Variants in HNRNPM observed in about 807,000 individuals in gnomAD.
HNRNPM encodes heterogeneous nuclear ribonucleoprotein M.
A neutral mutation model predicts 73.1 loss-of-function variants in HNRNPM; 11 were observed. The ratio of observed to expected loss-of-function variants is 0.15; its 90% CI spans 0.09 to 0.25. The LOEUF (loss-of-function observed/expected upper bound fraction) is 0.25, where lower values mean the gene tolerates loss of function less well. Among genes scored for constraint, HNRNPM ranks in the 10% least tolerant of loss-of-function variants. HNRNPM has a pLI of 1.00. For missense variants in HNRNPM, 789 were observed against 1,067.9 expected, an observed-to-expected ratio of 0.74 and a Z score of 3.64; for synonymous variants, 407 against 355.2, an observed-to-expected ratio of 1.15 and a Z score of -1.64.
intron 9 of HNRNPM, among the ~76,000 whole-genome samples, chr19:8,469,628 A>C (rs970639572): frequency 6.6e-6 from 1 of 152,228 alleles, no homozygotes; most frequent in Non-Finnish European, 1.5e-5. Context: ...ATTAGTGCAG[A>C]GTCATAGATA....
rs184652759 is a variant in HNRNPM, at chr19:8,449,899, C to T, written c.113+4788C>T. Among the ~76,000 whole-genome samples, 182 of 152,316 alleles carry T rather than the reference C, an allele frequency of 1.2e-3. 1 individual carries two copies. The highest frequency in any genetic ancestry group is 4.1e-3 in the African/African-American group (171 of 41,578). ...CCTCCATAGGACCGAGGCCTAGTGA[C>T]GACATGGTGACCCCAGCTCTTAGCC... On this transcript the variant is annotated intron_variant, in intron 1 of 15. Transcript: ENST00000325495.
In HNRNPM at chr19:8,473,670, G is replaced by A; in HGVS notation, c.1004G>A (p.Gly335Glu). The A allele has an allele frequency of 1.3e-6, 2 of 1,569,760 alleles. No homozygotes were observed. The highest frequency in any genetic ancestry group is 1.8e-6 in the Non-Finnish European group (2 of 1,141,736). Residue 335 changes from glycine (G) to glutamate (E), a missense_variant, in exon 11 of 16, where the codon GGA (glycine) becomes GAA (glutamate). This residue lies in a region of HNRNPM where 604 missense variants were observed against 744.0 expected (regional missense o/e 0.81). Transcript: ENST00000325495. ...TTGACTTTTTCTTTTTAAGGAATGG[G>A]AATGGAAGGCATAGGATTTGGAATA... ...GMGNIGPAGMGMEGIGFGINK... is the reference protein window; with the variant it reads ...GMGNIGPAGMEMEGIGFGINK...
chr19:8,461,360 C>T (rs1345079211), intron 2 of HNRNPM, among the ~76,000 whole-genome samples: 1 of 152,182 alleles, frequency 6.6e-6, no homozygotes, highest in East Asian at 1.9e-4. Context: ...TTGGAATAGG[C>T]ATGACTTGTT....
At position 8,463,608 on chromosome 19, in the gene HNRNPM, G is replaced by A; in HGVS notation, c.360G>A (p.Lys120=). 6.2e-7 allele frequency: 1 copy of A among 1,613,934 alleles called. No homozygotes were observed. The highest frequency in any genetic ancestry group is 8.5e-7 in the Non-Finnish European group (1 of 1,179,856). The change falls in exon 5 of 16, where the codon AAG becomes AAA. Residue 120 remains lysine (K), a synonymous_variant. Coordinates refer to ENST00000325495, the MANE Select transcript of HNRNPM (RefSeq NM_005968.5). ...KSRGCAVVEF[K]MEESMKKAAE... ...GACTCTATAGTGTTGTTGAATTCAA[G>A]ATGGAAGAGAGCATGAAAAAAGCTG...
intron 13 of HNRNPM, among the ~76,000 whole-genome samples, chr19:8,484,768 G>C (rs1044599811): frequency 2.0e-5 from 3 of 152,188 alleles, no homozygotes; most frequent in African/African-American, 7.2e-5. Flanking sequence ...CAAGCGACAG[G>C]GTTTCGGGGA....
intron 12 of HNRNPM, among the ~76,000 whole-genome samples, chr19:8,480,624 C>T (rs1419412951): frequency 6.6e-6 from 1 of 151,180 alleles, no homozygotes; most frequent in Non-Finnish European, 1.5e-5. Flanking sequence ...GATGACACCA[C>T]TGCACTCTAG....
intron 12 of HNRNPM, among the ~76,000 whole-genome samples, chr19:8,480,734 T>G (rs1316594694): frequency 6.6e-6 from 1 of 152,260 alleles, no homozygotes; most frequent in East Asian, 1.9e-4. Flanking sequence ...TTCAGCTTCT[T>G]GCCACTCTGC....
In HNRNPM at chr19:8,485,970, C is replaced by T. The variant is rs1307965017; in HGVS notation, c.1542C>T (p.Gly514=). The T allele has an allele frequency of 5.0e-6, 8 of 1,606,602 alleles. No homozygotes were observed. Among genetic ancestry groups the T allele is most frequent in the Middle Eastern group, 1.6e-4 (1 of 6,084 alleles). ...VGQTIERMGS[G]VERMGPAIER... ...AGACCATTGAGCGCATGGGCTCTGGCGTGGAGCGCATGGGCCCTGCCATCG... is the reference window on the plus strand; with the variant it reads ...AGACCATTGAGCGCATGGGCTCTGGTGTGGAGCGCATGGGCCCTGCCATCG... The change falls in exon 14 of 16, where the codon GGC becomes GGT. Residue 514 remains glycine (G), a synonymous_variant. Coordinates refer to ENST00000325495, the MANE Select transcript of HNRNPM (RefSeq NM_005968.5).
At position 8,483,135 on chromosome 19, in the gene HNRNPM, T is replaced by G. The variant is rs76813197; in HGVS notation, c.1121-23T>G. 0.02 allele frequency: 31,425 copies of G among 1,574,788 alleles called. 713 individuals are homozygous for G. The highest frequency in any genetic ancestry group is 0.11 in the African/African-American group (7,808 of 73,700). On this transcript the variant is annotated intron_variant, in intron 12 of 15. Coordinates refer to ENST00000325495, the MANE Select transcript of HNRNPM (RefSeq NM_005968.5). ...TGCCATAGAGGAATTTGGCTAATTT[T>G]TTTTTCTTCCTGATTTCCTTAGAAA...
intron 1 of HNRNPM, among the ~76,000 whole-genome samples, chr19:8,454,512 T>G (rs1445631762): frequency 6.6e-6 from 1 of 152,196 alleles, no homozygotes; most frequent in African/African-American, 2.4e-5. Context: ...ACCTTTTGGC[T>G]TGTGTGAGTA....
intron 1 of HNRNPM, among the ~76,000 whole-genome samples, chr19:8,453,142 CTTTTG>C (rs898475210): frequency 6.7e-6 from 1 of 148,372 alleles, no homozygotes; most frequent in Non-Finnish European, 1.5e-5. Flanking sequence ...CAAGTGAATA[CTTTTG>C]TTTGTTTGTT....
chr19:8,473,485 T>C (rs574427989), intron 10 of HNRNPM, among the ~76,000 whole-genome samples, 179 bp from the exon 11 acceptor site: 14 of 152,124 alleles, frequency 9.2e-5, no homozygotes, highest in Admixed American at 5.9e-4. Context: ...AGCTATATGA[T>C]ATTTGACAGT....
At chr19:8,486,857 C>T (rs2145766519) in intron 14 of HNRNPM, among the ~76,000 whole-genome samples, 167 bp from the exon 15 acceptor site, 1 of 152,318 alleles carries the variant, frequency 6.6e-6, no homozygotes, top group Non-Finnish European at 1.5e-5. Context: ...GCTTCACAGC[C>T]TTGTCCCACA....
rs1040351667 is a variant in HNRNPM, at chr19:8,488,451, G to T, written c.2030-240G>T. 4.5e-5 allele frequency: 19 copies of T among 426,118 alleles called. No individual in the cohort carries two copies. In the Admixed American group the frequency reaches 6.0e-4, roughly 14 times the overall value. 26.4% of individuals were successfully genotyped at this position (426,118 alleles called of 1,614,324 possible). On this transcript the variant is annotated intron_variant, in intron 15 of 15. Transcript: ENST00000325495. ...GGCTTTACACTGCGCCTTCTTTTTT[G>T]AACTTCCTGAAGCGTAAAGGCGTGC... is the stretch of plus-strand genomic sequence containing the variant.
At chr19:8,447,102 T>G (rs1304919933) in intron 1 of HNRNPM, among the ~76,000 whole-genome samples, 1 of 152,148 alleles carries the variant, frequency 6.6e-6, no homozygotes, top group East Asian at 1.9e-4. Context: ...ACTGAGTCAT[T>G]TTACAAATAC....
In HNRNPM at chr19:8,465,500, A is replaced by G. The variant is rs1969683390; in HGVS notation, c.615A>G (p.Thr205=). 6.2e-7 allele frequency: 1 copy of G among 1,606,182 alleles called. No individual in the cohort carries two copies. Among genetic ancestry groups the G allele is most frequent in the Non-Finnish European group, 8.5e-7 (1 of 1,175,804 alleles). Residue 205 remains threonine (T), a synonymous_variant, in exon 6 of 16, where the codon ACA becomes ACG. Coordinates refer to ENST00000325495, the MANE Select transcript of HNRNPM (RefSeq NM_005968.5). ...HALQAGRLGS[T]VFVANLDYKV... is the part of the protein sequence containing the mutation. ...TACAGGCTGGAAGACTTGGAAGCAC[A>G]GTATTTGTAGCAAATGTAAGTAAAC...
rs367827350 is a variant in HNRNPM at position 8,485,769 on chromosome 19, G to C, written c.1341G>C (p.Val447=). The part of the protein sequence containing the change: ...MGLVMDRMGS[V]ERMGSGIERM... ...TGGTCATGGACCGCATGGGCTCCGT[G>C]GAGCGCATGGGCTCCGGCATTGAGC... Residue 447 remains valine (V), a synonymous_variant, in exon 14 of 16, where the codon GTG becomes GTC. Transcript: ENST00000325495. The C allele has an allele frequency of 1.5e-5, 24 of 1,603,598 alleles. No individual in the cohort carries two copies. The highest frequency in any genetic ancestry group is 2.0e-5 in the Non-Finnish European group (23 of 1,178,856).
In HNRNPM at chr19:8,455,505, A is replaced by C. The variant is rs749297113; in HGVS notation, c.214A>C (p.Arg72=). ...ATATGCCAATCCAACTAAAAGATACAGAGCCTTCATTACAAACATACCTTT... is the reference window on the plus strand; with the variant it reads ...ATATGCCAATCCAACTAAAAGATACCGAGCCTTCATTACAAACATACCTTT... The part of the protein sequence containing the change: ...EPYANPTKRY[R]AFITNIPFDV... The change falls in exon 2 of 16, where the codon AGA becomes CGA. Residue 72 remains arginine, a synonymous_variant. Transcript: ENST00000325495. The C allele has an allele frequency of 6.2e-7, 1 of 1,613,978 alleles. No homozygotes were observed. The highest frequency in any genetic ancestry group is 2.2e-5 in the East Asian group (1 of 44,888).
chr19:8,473,996 G>T (rs1457235247), intron 11 of HNRNPM, among the ~76,000 whole-genome samples, 171 bp from the exon 12 acceptor site: 2 of 151,802 alleles, frequency 1.3e-5, no homozygotes, highest in Non-Finnish European at 2.9e-5. Flanking sequence ...TTTGAAGATG[G>T]GTGATTTTTA....
Sources: allele counts gnomAD v4.1 joint callset (sites outside exome capture counted in the v4.1 genomes callset), GRCh38; gene constraint gnomAD v4.1.1; regional missense constraint gnomAD v4.1.1; transcripts MANE v1.5; gene names NCBI Gene and HGNC (gene_info 2026-07-23, HGNC 2026-07-21).